Variants in LRP1B observed in about 807,000 individuals in gnomAD.
LRP1B encodes LDL receptor related protein 1B.
Under a neutral mutation model 556.6 loss-of-function variants are expected in LRP1B, and 217 were observed. That is an observed-to-expected ratio of 0.39 (90% CI 0.35 to 0.44). The LOEUF (loss-of-function observed/expected upper bound fraction) is 0.44. LRP1B is among the 20% of genes least tolerant of loss of function. The pLI, the probability that LRP1B is intolerant of heterozygous loss-of-function variation, is 1.00. For missense variants in LRP1B, 5,053 were observed against 5,620.8 expected, an observed-to-expected ratio of 0.90 and a Z score of 3.23; for synonymous variants, 2,047 against 1,865.8, an observed-to-expected ratio of 1.10 and a Z score of -2.50.
intron 7 of LRP1B, among the ~76,000 whole-genome samples, chr2:141,158,321 C>G (rs1333381769): frequency 6.6e-6 from 1 of 152,102 alleles, no homozygotes; most frequent in South Asian, 2.1e-4. Flanking sequence ...GAACTCAAAT[C>G]ATATAATAAA....
rs1322659585 is a variant in LRP1B at position 142,115,841 on chromosome 2, A to AATATAT, written c.82+14801_82+14806dup. On this transcript the variant is annotated intron_variant, in intron 1 of 90. Coordinates refer to ENST00000389484, the MANE Select transcript of LRP1B (RefSeq NM_018557.3). The stretch of plus-strand genomic sequence containing the variant: ...TATGTAATATATATCATATATATGT[A>AATATAT]ATATATATATATACATATATATATA... Among the ~76,000 whole-genome samples the AATATAT allele has an allele frequency of 8.9e-3, 49 of 5,534 alleles. 21 individuals are homozygous for AATATAT. Among genetic ancestry groups the AATATAT allele is most frequent in the Non-Finnish European group, 0.019 (47 of 2,526 alleles). The allele number at this position is 5,534 out of a possible 152,430, so 3.6% of individuals were successfully genotyped here. A position where few individuals can be genotyped will look rare whatever the true frequency, so the allele number is the denominator to read the frequency against.
At chr2:140,733,439 T>C (rs1027587696) in intron 35 of LRP1B, among the ~76,000 whole-genome samples, 7 of 152,142 alleles carry the variant, frequency 4.6e-5, no homozygotes, top group African/African-American at 1.7e-4. Context: ...TTATTTTGAA[T>C]ATAAGAGCCA....
At chr2:141,573,151 CT>C (rs1293655708) in intron 2 of LRP1B, among the ~76,000 whole-genome samples, 2 of 152,222 alleles carry the variant, frequency 1.3e-5, no homozygotes, top group Admixed American at 6.5e-5. Flanking sequence ...ATACATTCTT[CT>C]TAGTGCCACA....
intron 3 of LRP1B, among the ~76,000 whole-genome samples, chr2:141,318,145 T>C (rs1287321411): frequency 6.6e-6 from 1 of 152,172 alleles, no homozygotes; most frequent in Admixed American, 6.6e-5. Context: ...TTCATTTTAC[T>C]CTTGAAACAT....
intron 77 of LRP1B, among the ~76,000 whole-genome samples, chr2:140,341,003 C>T (rs1251810596): frequency 6.6e-6 from 1 of 151,448 alleles, no homozygotes; most frequent in Non-Finnish European, 1.5e-5. Flanking sequence ...GTAACAAACA[C>T]ATAGAAAAGT....
At chr2:140,539,408 T>C (rs1417773274) in intron 45 of LRP1B, among the ~76,000 whole-genome samples, 2 of 152,166 alleles carry the variant, frequency 1.3e-5, no homozygotes, top group Admixed American at 1.3e-4. Context: ...GTCGTCTGCC[T>C]CTACAACAGA....
chr2:141,398,108 C>T (rs750600970), intron 3 of LRP1B, among the ~76,000 whole-genome samples: 1 of 151,912 alleles, frequency 6.6e-6, no homozygotes, highest in Admixed American at 6.6e-5. Context: ...AATAAATTCA[C>T]AAATAAACAT....
intron 1 of LRP1B, among the ~76,000 whole-genome samples, chr2:141,850,231 T>G (rs923015177): frequency 7.3e-5 from 11 of 151,604 alleles, no homozygotes; most frequent in Non-Finnish European, 1.3e-4. Context: ...TTTTTATGCT[T>G]TTTTTCCCCC....
chr2:141,797,065 A>G (rs1353903579), intron 2 of LRP1B, among the ~76,000 whole-genome samples: 1 of 149,138 alleles, frequency 6.7e-6, no homozygotes, highest in Non-Finnish European at 1.5e-5. Context: ...TATGTTGGAT[A>G]TAATTCTGTG....
In LRP1B at chr2:140,972,064, A is replaced by C. The variant is rs146536711; in HGVS notation, c.2887+10096T>G. Among the ~76,000 whole-genome samples, 55 of 152,290 alleles carry C rather than the reference A, an allele frequency of 3.6e-4. No individual in the cohort carries two copies. In the East Asian group the frequency reaches 0.01, roughly 28 times the overall value. Reference sequence around the variant, plus strand: ...TAATAATTTCTGCCTATGGCTTTGAAAATATCCCTCGAGGCTTTAACCTCC... The same window carrying C: ...TAATAATTTCTGCCTATGGCTTTGACAATATCCCTCGAGGCTTTAACCTCC... On this transcript the variant is annotated intron_variant, in intron 18 of 90. Coordinates refer to ENST00000389484, the MANE Select transcript of LRP1B (RefSeq NM_018557.3).
At chr2:140,325,013 A>C (rs1455423340) in intron 80 of LRP1B, among the ~76,000 whole-genome samples, 1 of 152,120 alleles carries the variant, frequency 6.6e-6, no homozygotes, top group Non-Finnish European at 1.5e-5. Flanking sequence ...AGCTATATTC[A>C]GTAAATATAT....
At chr2:142,070,107 CA>C (rs1176113322) in intron 1 of LRP1B, among the ~76,000 whole-genome samples, 5 of 151,784 alleles carry the variant, frequency 3.3e-5, no homozygotes, top group Non-Finnish European at 7.4e-5. Flanking sequence ...ACATTCCCAA[CA>C]ACCCGTTTGC....
chr2:141,515,355 A>T (rs1002072798), intron 2 of LRP1B, among the ~76,000 whole-genome samples: 1 of 152,158 alleles, frequency 6.6e-6, no homozygotes, highest in East Asian at 1.9e-4. Context: ...TACTGTAAAC[A>T]TTCATGACCA....
intron 2 of LRP1B, among the ~76,000 whole-genome samples, chr2:141,604,610 C>T (rs918212300): frequency 1.1e-4 from 16 of 152,162 alleles, no homozygotes; most frequent in African/African-American, 3.9e-4. Context: ...ACCTACCTTT[C>T]CCTAACTGGT....
At chr2:141,045,874 A>G (rs1374450918) in intron 11 of LRP1B, among the ~76,000 whole-genome samples, 1 of 152,140 alleles carries the variant, frequency 6.6e-6, no homozygotes, top group African/African-American at 2.4e-5. Context: ...TACACATAGT[A>G]AATATCTCGT....
intron 1 of LRP1B, among the ~76,000 whole-genome samples, chr2:142,010,690 G>C (rs1354208928): frequency 6.6e-6 from 1 of 151,904 alleles, no homozygotes; most frequent in African/African-American, 2.4e-5. Context: ...TGCACATGTG[G>C]TTGTAGGCTG....
chr2:140,249,193 T>C (rs901063128), intron 86 of LRP1B, among the ~76,000 whole-genome samples: 1 of 151,726 alleles, frequency 6.6e-6, no homozygotes, highest in Non-Finnish European at 1.5e-5. Flanking sequence ...AATTAGAAGA[T>C]TAAATGCTAC....
intron 1 of LRP1B, among the ~76,000 whole-genome samples, chr2:141,997,556 C>T (rs1011762271): frequency 2.0e-5 from 3 of 150,104 alleles, no homozygotes; most frequent in African/African-American, 4.9e-5. Context: ...AATCTTGGTT[C>T]ACTGCAGCCT....
intron 1 of LRP1B, among the ~76,000 whole-genome samples, chr2:141,872,109 G>T (rs76498065): frequency 0.17 from 26,133 of 151,746 alleles, 2,295 homozygotes; most frequent in South Asian, 0.19. Context: ...AGAGAGCTTG[G>T]AAGGACACAA....
Sources: gnomAD v4.1 joint callset for allele counts (sites outside exome capture counted in the v4.1 genomes callset) on GRCh38, gnomAD v4.1.1 for gene constraint, MANE v1.5 for transcripts, NCBI Gene and HGNC (gene_info 2026-07-23, HGNC 2026-07-21) for gene names.